Variants in TMEM260 observed in about 807,000 individuals in gnomAD.
TMEM260 encodes transmembrane protein 260, also known as protein O-mannosyl-transferase TMEM260.
In TMEM260, 82 loss-of-function variants were observed where a neutral mutation model predicts 88.9. That is an observed-to-expected ratio of 0.92 (90% confidence interval 0.77 to 1.11). The LOEUF is 1.11. Among genes scored for constraint, TMEM260 ranks in the 50% least tolerant of loss-of-function variants. The probability of loss-of-function intolerance (pLI) is 0.00; values close to 1 mark genes in which losing one functional copy is unlikely to be tolerated. For synonymous variants in TMEM260, 314 were observed against 309.3 expected (o/e 1.02, Z -0.16); for missense variants, 902 against 853.4 (o/e 1.06, Z -0.71).
the TMEM260 span, among the ~76,000 whole-genome samples, chr14:56,658,007 G>C: frequency 6.6e-6 from 1 of 152,268 alleles, no homozygotes; most frequent in South Asian, 2.1e-4. Context: ...GCCACCCATA[G>C]TAACAGAGAA....
chr14:56,638,677 C>A (rs1889319462), intron 15 of TMEM260, among the ~76,000 whole-genome samples: 1 of 152,024 alleles, frequency 6.6e-6, no homozygotes, highest in Admixed American at 6.6e-5. Context: ...TGAATTACCA[C>A]CCCCAGTGCT....
At chr14:56,597,007 C>A (rs969031904) in intron 3 of TMEM260, among the ~76,000 whole-genome samples, 1 of 151,500 alleles carries the variant, frequency 6.6e-6, no homozygotes, top group Non-Finnish European at 1.5e-5. Context: ...CTATTTCATA[C>A]CTATTTATTG....
intron 15 of TMEM260, among the ~76,000 whole-genome samples, chr14:56,637,776 C>CTTATTCAT (rs1889224805): frequency 6.6e-6 from 1 of 152,174 alleles, no homozygotes; most frequent in Admixed American, 6.5e-5. Context: ...TATGTATTCA[C>CTTATTCAT]TTATTCATTC....
intron 15 of TMEM260, among the ~76,000 whole-genome samples, chr14:56,640,271 A>G: frequency 6.6e-6 from 1 of 152,176 alleles, no homozygotes; most frequent in East Asian, 1.9e-4. Flanking sequence ...GACACCTCAC[A>G]CAGCCGGGTA....
At chr14:56,590,117 T>C (rs1885760159) in intron 3 of TMEM260, among the ~76,000 whole-genome samples, 1 of 152,238 alleles carries the variant, frequency 6.6e-6, no homozygotes, top group Non-Finnish European at 1.5e-5. Context: ...CCGTGGTTAA[T>C]TGATCATATA....
chr14:56,645,254 C>T (rs1357119039), intron 15 of TMEM260, among the ~76,000 whole-genome samples: 3 of 149,936 alleles, frequency 2.0e-5, no homozygotes, highest in African/African-American at 7.3e-5. Flanking sequence ...CAATGTCCAA[C>T]AAAGATAGAC....
chr14:56,607,036 G>T (rs182373782), intron 5 of TMEM260, among the ~76,000 whole-genome samples: 7 of 152,348 alleles, frequency 4.6e-5, no homozygotes, highest in African/African-American at 1.7e-4. Flanking sequence ...ATAACAGGCA[G>T]TGTCTTTAAC....
chr14:56,630,916 C>T (rs1013875616), intron 12 of TMEM260, among the ~76,000 whole-genome samples: 1 of 152,082 alleles, frequency 6.6e-6, no homozygotes, highest in African/African-American at 2.4e-5. Context: ...GTTCTGTTTC[C>T]AAAGCATTTG....
chr14:56,622,605 T>C (rs1213476991), intron 11 of TMEM260, among the ~76,000 whole-genome samples: 1 of 152,048 alleles, frequency 6.6e-6, no homozygotes, highest in African/African-American at 2.4e-5. Flanking sequence ...ATGAAAACTT[T>C]TTTTTTCATT....
intron 15 of TMEM260, among the ~76,000 whole-genome samples, chr14:56,646,593 A>G (rs1402973082): frequency 6.6e-6 from 1 of 152,212 alleles, no homozygotes; most frequent in Non-Finnish European, 1.5e-5. Context: ...ATGAAATTCT[A>G]AATTCCTATG....
At position 56,634,958 on chromosome 14, in the gene TMEM260, T is replaced by TA. The variant is rs1174417356; in HGVS notation, c.1778+7dup. The TA allele has an allele frequency of 6.8e-5, 110 of 1,613,654 alleles. No homozygotes were observed. Among genetic ancestry groups the TA allele is most frequent in the Non-Finnish European group, 9.2e-5 (108 of 1,179,676 alleles). ...GAAGAAATGTGGCAAGCGAGGTGAC[T>TA]ATTCTACATTTTTGTGTGTGCAGTC... is the stretch of plus-strand genomic sequence containing the variant. On this transcript the variant is annotated splice_region_variant and intron_variant, in intron 14 of 15. Coordinates refer to ENST00000261556, the MANE Select transcript of TMEM260 (RefSeq NM_017799.4).
chr14:56,597,782 T>C (rs1173904554), intron 3 of TMEM260, among the ~76,000 whole-genome samples: 6 of 152,100 alleles, frequency 3.9e-5, no homozygotes, highest in Non-Finnish European at 8.8e-5. Context: ...TTAAAAATTA[T>C]TATGAAATGA....
intron 7 of TMEM260, 94 bp from the exon 8 acceptor site, chr14:56,615,850 C>A: frequency 2.3e-6 from 2 of 856,560 alleles, no homozygotes; most frequent in Non-Finnish European, 3.8e-6. Context: ...TGTGATTGTT[C>A]AGTATATAAT....
At chr14:56,637,611 T>C (rs1889212039) in intron 15 of TMEM260, among the ~76,000 whole-genome samples, 1 of 152,142 alleles carries the variant, frequency 6.6e-6, no homozygotes, top group African/African-American at 2.4e-5. Flanking sequence ...AAACAGAGGG[T>C]AGGACCTGTA....
chr14:56,662,807 C>A, the TMEM260 span, among the ~76,000 whole-genome samples: 1 of 152,234 alleles, frequency 6.6e-6, no homozygotes, highest in Non-Finnish European at 1.5e-5. Flanking sequence ...AATTGTCCAG[C>A]CTCTGCAGTA....
intron 3 of TMEM260, among the ~76,000 whole-genome samples, chr14:56,590,439 C>T (rs1323140353): frequency 1.3e-5 from 2 of 152,196 alleles, no homozygotes; most frequent in Non-Finnish European, 2.9e-5. Context: ...ATATTCTGAG[C>T]GGTGGGCCGC....
In TMEM260 at chr14:56,594,275, T is replaced by G. The variant is rs957837077; in HGVS notation, c.344+8363T>G. Among the ~76,000 whole-genome samples, 3 of 152,232 alleles carry G rather than the reference T, an allele frequency of 2.0e-5. No individual in the cohort carries two copies. In the East Asian group the frequency reaches 5.8e-4, roughly 29 times the overall value. On this transcript the variant is annotated intron_variant, in intron 3 of 15. Coordinates refer to ENST00000261556, the MANE Select transcript of TMEM260 (RefSeq NM_017799.4). ...AAAATAGTTTAAACTATTAGCGATA[T>G]ATCTGTGAGTTCTGGTGAAAAGAGT... is the stretch of plus-strand genomic sequence containing the variant.
At position 56,605,632 on chromosome 14, in the gene TMEM260, CTA is replaced by C; in HGVS notation, c.587_588del (p.Tyr196CysfsTer47). 6.3e-7 allele frequency: 1 copy of C among 1,594,856 alleles called. No homozygotes were observed. The highest frequency in any genetic ancestry group is 1.4e-5 in the African/African-American group (1 of 73,668). On this transcript the variant is annotated frameshift_variant, in exon 5 of 16. Coordinates refer to ENST00000261556, the MANE Select transcript of TMEM260 (RefSeq NM_017799.4). LOFTEE classifies it high-confidence loss of function. ...TATGTAACCAGCACACAATAATACT[CTA>C]TGTTTTGTGCATAATACCTTGGATT... ...SLCNQHTIIL[Y>X]VLCIIPWILF...
At chr14:56,597,722 A>G (rs1886332220) in intron 3 of TMEM260, among the ~76,000 whole-genome samples, 1 of 152,150 alleles carries the variant, frequency 6.6e-6, no homozygotes, top group Non-Finnish European at 1.5e-5. Context: ...TGAGGTGATG[A>G]TAATAGCTAA....
Sources: allele counts gnomAD v4.1 joint callset (sites outside exome capture counted in the v4.1 genomes callset), GRCh38; gene constraint gnomAD v4.1.1; transcripts MANE v1.5; gene names NCBI Gene and HGNC (gene_info 2026-07-23, HGNC 2026-07-21).